SEC16B: variants seen among roughly 807,000 people sequenced by gnomAD.
SEC16B encodes protein transport protein Sec16B.
SEC16B carries 115 observed loss-of-function variants against 141.8 expected under a neutral mutation model. That is an observed-to-expected ratio of 0.81 (90% CI 0.70 to 0.95). The LOEUF is 0.95. Among genes scored for constraint, SEC16B ranks in the 40% least tolerant of loss-of-function variants. SEC16B has a pLI of 0.00. For missense variants in SEC16B, 1,291 were observed against 1,312.3 expected, an observed-to-expected ratio of 0.98 and a Z score of 0.25; for synonymous variants, 493 against 492.5, an observed-to-expected ratio of 1.00 and a Z score of -0.01.
intron 20 of SEC16B, among the ~76,000 whole-genome samples, chr1:177,934,556 T>C (rs889002487): frequency 3.9e-5 from 6 of 152,258 alleles, no homozygotes; most frequent in Admixed American, 6.5e-5. Flanking sequence ...GCTTTATATG[T>C]AGTGATTCAT....
chr1:177,933,755 A>G (rs931225037), intron 20 of SEC16B, 119 bp from the exon 21 acceptor site: 24 of 1,011,580 alleles, frequency 2.4e-5, no homozygotes, highest in Non-Finnish European at 3.2e-5. Context: ...TCAGGATCAT[A>G]TTGTACTGAA....
At chr1:177,941,764 TG>T in intron 16 of SEC16B, 135 bp downstream of exon 16, 1 of 920,476 alleles carries the variant, frequency 1.1e-6, no homozygotes, top group Non-Finnish European at 1.6e-6. Flanking sequence ...CATGCATACA[TG>T]GTCAAAGATG....
In SEC16B at chr1:177,960,941, T is replaced by G; in HGVS notation, c.788-2A>C. ...CTTTGGGACCAGCTGAGGAGACATC[T>G]TCTGACCAACAGACACAGATGGACA... On this transcript the variant is annotated splice_acceptor_variant, in intron 6 of 25. Transcript: ENST00000308284. LOFTEE classifies it high-confidence loss of function. 6.7e-7 allele frequency: 1 copy of G among 1,502,704 alleles called. No individual in the cohort carries two copies. Among genetic ancestry groups the G allele is most frequent in the Non-Finnish European group, 9.2e-7 (1 of 1,090,170 alleles). 93.1% of individuals were successfully genotyped at this position (1,502,704 alleles called of 1,614,324 possible). A position where few individuals can be genotyped will look rare whatever the true frequency, so the allele number is the denominator to read the frequency against.
intron 1 of SEC16B, among the ~76,000 whole-genome samples, chr1:177,982,334 G>C (rs1418580652): frequency 1.3e-5 from 2 of 152,198 alleles, no homozygotes; most frequent in African/African-American, 4.8e-5. Flanking sequence ...GACACAGGCA[G>C]AATAAAGGAA....
At chr1:177,947,215 T>C (rs1651780787) in intron 13 of SEC16B, among the ~76,000 whole-genome samples, 1 of 152,180 alleles carries the variant, frequency 6.6e-6, no homozygotes, top group South Asian at 2.1e-4. Flanking sequence ...ATGCTCTGCT[T>C]CTTGGCTAAA....
At chr1:177,929,950 T>C in intron 25 of SEC16B, 21 bp from the exon 26 acceptor site, 2 of 1,611,882 alleles carry the variant, frequency 1.2e-6, no homozygotes, top group East Asian at 2.2e-5. Context: ...AGAACAAATA[T>C]TACACTGAGT....
chr1:177,938,324 T>G (rs1651017984), intron 18 of SEC16B, among the ~76,000 whole-genome samples: 1 of 152,072 alleles, frequency 6.6e-6, no homozygotes, highest in Non-Finnish European at 1.5e-5. Flanking sequence ...GCATAGGGCC[T>G]AACTGTAATA....
In SEC16B at chr1:177,937,444, A is replaced by G; in HGVS notation, c.2273T>C (p.Leu758Pro). 6.2e-7 allele frequency: 1 copy of G among 1,606,030 alleles called. No homozygotes were observed. The highest frequency in any genetic ancestry group is 8.5e-7 in the Non-Finnish European group (1 of 1,176,280). ...YSEAPGYRSA[L>P]WLTPEQTCLL... ...GCAGGTCTGCTCAGGTGTCAGCCACAGAGCTGAGCGGTACCCAGGGGCTTC... is the reference window on the plus strand; with the variant it reads ...GCAGGTCTGCTCAGGTGTCAGCCACGGAGCTGAGCGGTACCCAGGGGCTTC... Residue 758 changes from leucine to proline, a missense_variant, in exon 19 of 26, where the codon CTG becomes CCG. Transcript: ENST00000308284.
At chr1:177,936,238 C>T (rs986985502) in intron 20 of SEC16B, 60 bp downstream of exon 20, 1 of 1,417,582 alleles carries the variant, frequency 7.1e-7, no homozygotes, top group Non-Finnish European at 9.8e-7. Flanking sequence ...ACCAAGGCAA[C>T]TGGTAAAAAC....
At position 177,931,562 on chromosome 1, in the gene SEC16B, T is replaced by C. The variant is rs2101895193; in HGVS notation, c.3013-919A>G. On this transcript the variant is annotated intron_variant, in intron 24 of 25. Transcript: ENST00000308284. ...ATTCATCTATTAACCAAAAACCACTTGTGCCCCAAAAGCTACTGAAATGTT... is the reference window on the plus strand; with the variant it reads ...ATTCATCTATTAACCAAAAACCACTCGTGCCCCAAAAGCTACTGAAATGTT... Among the ~76,000 whole-genome samples the C allele has an allele frequency of 1.3e-5, 2 of 152,276 alleles. 1 individual carries two copies. The highest frequency in any genetic ancestry group is 6.8e-3 in the Middle Eastern group (2 of 294).
intron 15 of SEC16B, among the ~76,000 whole-genome samples, chr1:177,942,913 C>T (rs973815538): frequency 1.4e-4 from 21 of 152,142 alleles, no homozygotes; most frequent in Admixed American, 6.5e-5. Flanking sequence ...CTACTACTAC[C>T]TACTCCCTTG....
rs1199040882 is a variant in SEC16B at position 177,932,571 on chromosome 1, T to A, written c.2933-2A>T. The A allele has an allele frequency of 6.4e-7, 1 of 1,555,130 alleles. No homozygotes were observed. The highest frequency in any genetic ancestry group is 2.4e-5 in the East Asian group (1 of 41,222). On this transcript the variant is annotated splice_acceptor_variant, in intron 23 of 25. Transcript: ENST00000308284. LOFTEE classifies it high-confidence loss of function. ...CGGATCCTCGGCCTTCACCCCCACCTGGAAAGTAATGAGGCAGAGCTGTTT... is the reference window on the plus strand; with the variant it reads ...CGGATCCTCGGCCTTCACCCCCACCAGGAAAGTAATGAGGCAGAGCTGTTT...
At chr1:177,948,515 A>G (rs1011420432) in intron 12 of SEC16B, 2 of 1,304,334 alleles carry the variant, frequency 1.5e-6, no homozygotes, top group Non-Finnish European at 2.0e-6. Flanking sequence ...CAAGTGGCCC[A>G]GCTAGGACGA....
intron 2 of SEC16B, among the ~76,000 whole-genome samples, 179 bp from the exon 3 acceptor site, chr1:177,966,184 C>G (rs901001873): frequency 2.0e-5 from 3 of 152,178 alleles, no homozygotes; most frequent in Non-Finnish European, 2.9e-5. Flanking sequence ...AGGAGTCAGG[C>G]CTTTGTTGCA....
At chr1:177,948,460 T>G in intron 12 of SEC16B, 1 of 1,303,652 alleles carries the variant, frequency 7.7e-7, no homozygotes, top group Non-Finnish European at 1.0e-6. Flanking sequence ...AGGAACCCTA[T>G]GAAGTCTAGT....
intron 1 of SEC16B, among the ~76,000 whole-genome samples, chr1:177,981,753 G>C (rs1450784322): frequency 6.6e-6 from 1 of 152,160 alleles, no homozygotes; most frequent in Admixed American, 6.5e-5. Context: ...ATGGTGAGTT[G>C]AGGTGCCTGC....
intron 15 of SEC16B, among the ~76,000 whole-genome samples, 155 bp from the exon 16 acceptor site, chr1:177,942,195 T>C (rs1651328884): frequency 1.3e-5 from 2 of 152,236 alleles, no homozygotes; most frequent in East Asian, 1.9e-4. Flanking sequence ...ATTTTATCTA[T>C]GCACGGGCAC....
upstream of SEC16B, chr1:177,973,058 G>T (rs1357164839): frequency 6.6e-6 from 1 of 152,252 alleles, no homozygotes; most frequent in East Asian, 1.9e-4. Context: ...CTAGTCTATG[G>T]TTTTCTGTTA....
intron 1 of SEC16B, among the ~76,000 whole-genome samples, chr1:177,982,337 T>C (rs548927280): frequency 9.2e-5 from 14 of 152,272 alleles, no homozygotes; most frequent in African/African-American, 3.4e-4. Flanking sequence ...ACAGGCAGAA[T>C]AAAGGAACTG....
Sources: gnomAD v4.1 joint callset for allele counts (sites outside exome capture counted in the v4.1 genomes callset) on GRCh38, gnomAD v4.1.1 for gene constraint, MANE v1.5 for transcripts, NCBI Gene and HGNC (gene_info 2026-07-23, HGNC 2026-07-21) for gene names.